MTA2: variants seen among roughly 807,000 people sequenced by gnomAD.
The protein encoded by MTA2 is metastasis-associated protein MTA2.
MTA2 carries 22 observed loss-of-function variants against 87.1 expected under a neutral mutation model. The ratio of observed to expected loss-of-function variants is 0.25; its 90% confidence interval spans 0.18 to 0.36. MTA2 has a LOEUF of 0.36. Ranked by LOEUF, MTA2 falls within the 10% of genes least tolerant of loss-of-function variation. The probability of loss-of-function intolerance (pLI) is 1.00; values close to 1 mark genes in which losing one functional copy is unlikely to be tolerated. For synonymous variants in MTA2, 314 were observed against 310.1 expected (o/e 1.01, Z -0.13); for missense variants, 542 against 853.2 (o/e 0.64, Z 4.54).
In MTA2 at chr11:62,598,631, C is replaced by G; in HGVS notation, c.199G>C (p.Glu67Gln). 1 of 1,613,862 alleles carries G rather than the reference C, an allele frequency of 6.2e-7. No homozygotes were observed. ...SLADSNAREF[E>Q]EESKQPGVSE... ...ACCCCTGGCTGCTTTGATTCCTCTT[C>G]AAACTCCCCTGGGAGATTAAAGAGG... Residue 67 changes from glutamate (E) to glutamine (Q), a missense_variant, in exon 4 of 18, where the codon GAA becomes CAA. Glu to Gln is a conservative substitution (Grantham distance 29). Around this residue, in one of 6 missense-constraint regions of MTA2, gnomAD observed 150 missense variants for 243.9 expected, o/e 0.62. Transcript: ENST00000278823.
At chr11:62,594,717 C>A in intron 15 of MTA2, 83 bp from the exon 16 acceptor site, 1 of 1,322,808 alleles carries the variant, frequency 7.6e-7, no homozygotes, top group Non-Finnish European at 1.1e-6. Context: ...CCTGGACCAG[C>A]AGTTTACCTG....
intron 15 of MTA2, 26 bp downstream of exon 15, chr11:62,594,955 C>T: frequency 6.2e-7 from 1 of 1,603,446 alleles, no homozygotes; most frequent in South Asian, 1.1e-5. Flanking sequence ...AGCCTGATGC[C>T]AACCTCACTG....
At position 62,594,006 on chromosome 11, in the gene MTA2, G is replaced by T. The variant is rs111400760; in HGVS notation, c.1876C>A (p.Arg626=). The change falls in exon 18 of 18, where the codon CGG becomes AGG. Residue 626 remains arginine, a synonymous_variant. Coordinates refer to ENST00000278823, the MANE Select transcript of MTA2 (RefSeq NM_004739.4). ...LRKALTHLEM[R]RAARRPNLPL... ...AAGTTGGGTCGGCGAGCAGCTCGCC[G>T]CATTTCCAGATGGGTCAGAGCCTTC... The T allele has an allele frequency of 3.3e-5, 53 of 1,611,724 alleles. 2 individuals are homozygous for T. In the African/African-American group the frequency reaches 3.5e-4, roughly 11 times the overall value.
At chr11:62,597,293 A>C (rs1942112497) in intron 8 of MTA2, 23 bp downstream of exon 8, 1 of 1,571,740 alleles carries the variant, frequency 6.4e-7, no homozygotes, top group Admixed American at 2.0e-5. Flanking sequence ...AGCCTGCCCA[A>C]CTACCCACCA....
chr11:62,593,769 T>C lies in MTA2; in HGVS notation c.*106A>G. 7.0e-7 allele frequency: 1 copy of C among 1,418,606 alleles called. No individual in the cohort carries two copies. The highest frequency in any genetic ancestry group is 9.6e-7 in the Non-Finnish European group (1 of 1,036,488). The allele number at this position is 1,418,606 out of a possible 1,614,324, so 87.9% of individuals were successfully genotyped here. A position where few individuals can be genotyped will look rare whatever the true frequency, so the allele number is the denominator to read the frequency against. On this transcript the variant is annotated 3_prime_UTR_variant, in exon 18 of 18. Coordinates refer to ENST00000278823, the MANE Select transcript of MTA2 (RefSeq NM_004739.4). ...AGGGACACACACTCACTTGCTCTCT[T>C]CCTTAATTCACTCCTCACTCCCTTC...
At position 62,596,417 on chromosome 11, in the gene MTA2, G is replaced by A. The variant is rs774540384; in HGVS notation, c.957+41C>T. ...TCATCAACTTCAAAGGCAGAGGTCA[G>A]CAGGTAGCCTATGGTCCACCCTCCC... is the stretch of plus-strand genomic sequence containing the variant. On this transcript the variant is annotated intron_variant, in intron 10 of 17. Transcript: ENST00000278823. 3 of 1,612,738 alleles carry A rather than the reference G, an allele frequency of 1.9e-6. No homozygotes were observed. The South Asian group carries it at 3.3e-5, about 18-fold the overall frequency.
chr11:62,600,707 G>C lies in MTA2; in HGVS notation c.29-18C>G, dbSNP rs377558275. On this transcript the variant is annotated intron_variant, in intron 1 of 17. Coordinates refer to ENST00000278823, the MANE Select transcript of MTA2 (RefSeq NM_004739.4). ...GACGTAATCTGTAAGGGAAGGGAGG[G>C]GGGAGAACCACGAAGATCAGAGGAG... 15 of 1,610,614 alleles carry C rather than the reference G, an allele frequency of 9.3e-6. No individual in the cohort carries two copies. The highest frequency in any genetic ancestry group is 1.3e-5 in the Non-Finnish European group (15 of 1,177,308).
chr11:62,597,072 C>T (rs1942109252), intron 8 of MTA2, among the ~76,000 whole-genome samples: 4 of 152,112 alleles, frequency 2.6e-5, no homozygotes, highest in Admixed American at 2.6e-4. Flanking sequence ...GCCTGTAGTC[C>T]CAGCTATTCG....
Position 62,595,113 on chromosome 11 carries a change from A to G in MTA2, c.1484-43T>C. ...AAGCTTCTGAAGGGCTTCACCATTC[A>G]GGTCTCCTCTAAGGCCAGAAGCCAA... On this transcript the variant is annotated intron_variant, in intron 14 of 17. Coordinates refer to ENST00000278823, the MANE Select transcript of MTA2 (RefSeq NM_004739.4). The surrounding 1 kb of genome is among the most constrained non-coding windows in gnomAD (Gnocchi z 4.9). 6.3e-7 allele frequency: 1 copy of G among 1,599,188 alleles called. No homozygotes were observed. Among genetic ancestry groups the G allele is most frequent in the Non-Finnish European group, 8.6e-7 (1 of 1,168,808 alleles).
chr11:62,595,025 T>C lies in MTA2; in HGVS notation c.1529A>G (p.His510Arg). 1 of 1,614,006 alleles carries C rather than the reference T, an allele frequency of 6.2e-7. No individual in the cohort carries two copies. Among genetic ancestry groups the C allele is most frequent in the Non-Finnish European group, 8.5e-7 (1 of 1,180,008 alleles). The change falls in exon 15 of 18, where the codon CAC (histidine) becomes CGC (arginine). Residue 510 changes from histidine to arginine, a missense_variant. By Grantham distance (29) the His-to-Arg change is conservative. This residue lies in a region of MTA2 where 269 missense variants were observed against 346.4 expected (regional missense o/e 0.78). Transcript: ENST00000278823. This position sits in a 1 kb window ranked among gnomAD's most constrained non-coding sequence, Gnocchi z 4.9. ...PKAAKTPLKI[H>R]PLVRLPLATI... The stretch of plus-strand genomic sequence containing the variant: ...TGCCAGGGGCAGCCGCACCAGAGGG[T>C]GAATCTTCAATGGAGTCTTGGCGGC...
chr11:62,594,224 G>GACA (rs1447012272), intron 17 of MTA2, 35 bp downstream of exon 17: 2 of 1,613,140 alleles, frequency 1.2e-6, no homozygotes, highest in Non-Finnish European at 1.7e-6. Context: ...AGCCTGGACT[G>GACA]TCCCTCTCAG....
chr11:62,594,702 T>G, intron 15 of MTA2, 68 bp from the exon 16 acceptor site: 1 of 1,443,790 alleles, frequency 6.9e-7, no homozygotes, highest in South Asian at 1.2e-5. Flanking sequence ...CTTCCATCTC[T>G]CTTCCCTGGA....
In MTA2 at chr11:62,601,810, T is replaced by C. The variant is rs1053101853; in HGVS notation, c.-360A>G. 5.6e-5 allele frequency: 28 copies of C among 500,652 alleles called. No homozygotes were observed. Among genetic ancestry groups the C allele is most frequent in the African/African-American group, 5.5e-4 (27 of 49,048 alleles). 31.0% of individuals were successfully genotyped at this position (500,652 alleles called of 1,614,324 possible). ...GCAGGGAAGGCTTGCCGGGCCCGCC[T>C]CAGGGTTCGCCTCCTTCCGGAACAC... is the stretch of plus-strand genomic sequence containing the variant. On this transcript the variant is annotated 5_prime_UTR_variant, in exon 1 of 18. Transcript: ENST00000278823.
chr11:62,601,631 G>A lies in MTA2; in HGVS notation c.-181C>T. On this transcript the variant is annotated 5_prime_UTR_variant, in exon 1 of 18. Transcript: ENST00000278823. ...GCGGTTCATCCCGGCCCGCGCTGTC[G>A]CCGCCGCAGCTATCGCCTCACTCCC... is the stretch of plus-strand genomic sequence containing the variant. The A allele has an allele frequency of 3.2e-6, 2 of 626,498 alleles. No homozygotes were observed. The highest frequency in any genetic ancestry group is 3.3e-5 in the East Asian group (1 of 29,986). The allele number at this position is 626,498 out of a possible 1,614,324, so 38.8% of individuals were successfully genotyped here.
At chr11:62,601,336 G>A (rs1406139259) in intron 1 of MTA2, 87 bp downstream of exon 1, 4 of 1,511,432 alleles carry the variant, frequency 2.6e-6, no homozygotes, top group East Asian at 2.5e-5. Flanking sequence ...CATACGCTGC[G>A]CCTCGCGCCA....
intron 3 of MTA2, 107 bp downstream of exon 3, chr11:62,600,059 A>G: frequency 1.9e-6 from 2 of 1,043,578 alleles, no homozygotes; most frequent in Non-Finnish European, 2.8e-6. Flanking sequence ...TCCCACCCCC[A>G]AACTCACACC....
In MTA2 at chr11:62,594,389, G is replaced by A; in HGVS notation, c.1711C>T (p.Pro571Ser). The A allele has an allele frequency of 1.2e-6, 2 of 1,614,160 alleles. No individual in the cohort carries two copies. The highest frequency in any genetic ancestry group is 1.7e-6 in the Non-Finnish European group (2 of 1,180,024). Residue 571 changes from proline (P) to serine (S), a missense_variant, in exon 17 of 18, where the codon CCT becomes TCT. Physicochemically the swap from Pro to Ser is moderately conservative, Grantham distance 74. Transcript: ENST00000278823. ...AYETMAGAGV[P>S]FSANGRPLAS... is the part of the protein sequence containing the mutation. Reference sequence around the variant, plus strand: ...AGAGGCCTTCCATTGGCAGAGAAAGGAACCCCTGCCCCTGCCATCTGGAAA... The same window carrying A: ...AGAGGCCTTCCATTGGCAGAGAAAGAAACCCCTGCCCCTGCCATCTGGAAA...
rs781480361 is a variant in MTA2 at position 62,594,646 on chromosome 11, CA to C, written c.1574-13del. ...GGGTGCCTGGGCCACTGGAAAAAAA[CA>C]GAAAACTTTCGCACCTTTTCTTCCC... On this transcript the variant is annotated splice_polypyrimidine_tract_variant and intron_variant, in intron 15 of 17. Transcript: ENST00000278823. The C allele has an allele frequency of 1.2e-6, 2 of 1,611,448 alleles. No individual in the cohort carries two copies. Among genetic ancestry groups the C allele is most frequent in the Non-Finnish European group, 1.7e-6 (2 of 1,178,314 alleles).
chr11:62,596,804 G>C lies in MTA2; in HGVS notation c.715C>G (p.Gln239Glu), dbSNP rs1020886665. Residue 239 changes from glutamine (Q) to glutamate (E), a missense_variant, in exon 9 of 18, where the codon CAA (glutamine) becomes GAA (glutamate). Transcript: ENST00000278823. ...ITLFHAMDTL[Q>E]RNGYDLAKAM... is the part of the protein sequence containing the mutation. Reference sequence around the variant, plus strand: ...TTAGCCAGGTCGTAGCCGTTCCTTTGCAAGGTATCCATGGCGTGAAACTAT... The same window carrying C: ...TTAGCCAGGTCGTAGCCGTTCCTTTCCAAGGTATCCATGGCGTGAAACTAT... 1.9e-6 allele frequency: 3 copies of C among 1,606,510 alleles called. No individual in the cohort carries two copies. The highest frequency in any genetic ancestry group is 3.4e-5 in the Admixed American group (2 of 57,990).
Sources: allele counts gnomAD v4.1 joint callset (sites outside exome capture counted in the v4.1 genomes callset), GRCh38; gene constraint gnomAD v4.1.1; regional missense constraint gnomAD v4.1.1; non-coding constraint Gnocchi (gnomAD v3.1); transcripts MANE v1.5; gene names NCBI Gene and HGNC (gene_info 2026-07-23, HGNC 2026-07-21).